TLL1: variants seen among roughly 807,000 people sequenced by gnomAD.
TLL1 encodes the protein tolloid like 1.
Under a neutral mutation model 128.2 loss-of-function variants are expected in TLL1, and 49 were observed. That is an observed-to-expected ratio of 0.38 (90% CI 0.30 to 0.48). TLL1 has a LOEUF of 0.48. TLL1 is among the 20% of genes least tolerant of loss of function. TLL1 has a pLI of 0.96. For missense variants in TLL1, 1,123 were observed against 1,242.0 expected (o/e 0.90, Z 1.44); for synonymous variants, 454 against 418.8 (o/e 1.08, Z -1.03).
chr4:165,994,633 T>C, intron 4 of TLL1, 100 bp downstream of exon 4: 2 of 1,425,290 alleles, frequency 1.4e-6, no homozygotes, highest in Non-Finnish European at 1.9e-6. Context: ...ATACATAGTA[T>C]TAAGTCAAGG....
At chr4:166,062,244 A>G (rs1443620152) in intron 15 of TLL1, among the ~76,000 whole-genome samples, 1 of 152,120 alleles carries the variant, frequency 6.6e-6, no homozygotes, top group Non-Finnish European at 1.5e-5. Context: ...GTTTTTTCCA[A>G]TTCTGTGAAG....
intron 1 of TLL1, among the ~76,000 whole-genome samples, chr4:165,988,715 C>T (rs1215862882): frequency 6.6e-6 from 1 of 151,726 alleles, no homozygotes; most frequent in Admixed American, 6.6e-5. Flanking sequence ...AAAATATGGA[C>T]CGTGTTATAT....
chr4:165,897,021 A>G (rs1360251870), intron 1 of TLL1, among the ~76,000 whole-genome samples: 1 of 151,846 alleles, frequency 6.6e-6, no homozygotes, highest in Non-Finnish European at 1.5e-5. Flanking sequence ...GCTTTTTTTC[A>G]TATGTTTCTT....
chr4:166,021,225 A>G (rs2111062678), intron 8 of TLL1, among the ~76,000 whole-genome samples: 1 of 147,894 alleles, frequency 6.8e-6, no homozygotes, highest in South Asian at 2.1e-4. Context: ...CCAAGATGCA[A>G]AAAAAAAATG....
chr4:165,983,663 CTG>C (rs1351752248), intron 1 of TLL1, among the ~76,000 whole-genome samples: 4 of 151,792 alleles, frequency 2.6e-5, no homozygotes, highest in African/African-American at 9.7e-5. Flanking sequence ...TTGAAGAAGA[CTG>C]TGTTTAACTT....
intron 1 of TLL1, among the ~76,000 whole-genome samples, chr4:165,918,723 C>G (rs1166683332): frequency 6.6e-6 from 1 of 151,990 alleles, no homozygotes; most frequent in African/African-American, 2.4e-5. Flanking sequence ...TTTTCATTTC[C>G]TCTAGTTTGT....
chr4:165,992,791 T>C lies in TLL1; in HGVS notation c.281-13T>C, dbSNP rs1186647593. The C allele has an allele frequency of 6.2e-7, 1 of 1,612,206 alleles. No homozygotes were observed. Among genetic ancestry groups the C allele is most frequent in the Non-Finnish European group, 8.5e-7 (1 of 1,178,550 alleles). On this transcript the variant is annotated splice_polypyrimidine_tract_variant and intron_variant, in intron 2 of 20. Transcript: ENST00000061240. Reference sequence around the variant, plus strand: ...ATATTTTGAGTTTAACTTGTTTCCTTTTATTCTTTAAGGTGGACTTGGAGA... The same window carrying C: ...ATATTTTGAGTTTAACTTGTTTCCTCTTATTCTTTAAGGTGGACTTGGAGA...
At chr4:165,882,499 A>G (rs1731005570) in intron 1 of TLL1, among the ~76,000 whole-genome samples, 1 of 152,176 alleles carries the variant, frequency 6.6e-6, no homozygotes, top group South Asian at 2.1e-4. Flanking sequence ...ATAGTATATA[A>G]CTAAACCTGA....
intron 1 of TLL1, among the ~76,000 whole-genome samples, chr4:165,885,890 C>A (rs1731145437): frequency 1.3e-5 from 2 of 152,076 alleles, no homozygotes; most frequent in South Asian, 2.1e-4. Context: ...ACAGATATAT[C>A]CTTATATTAA....
intron 6 of TLL1, among the ~76,000 whole-genome samples, chr4:166,005,345 A>T (rs72974319): frequency 0.21 from 31,174 of 151,868 alleles, 3,645 homozygotes; most frequent in East Asian, 0.38. Context: ...AGATTTCACT[A>T]ATTAGGGAAA....
In TLL1 at chr4:166,043,386, C is replaced by T. The variant is rs1211208610; in HGVS notation, c.1491C>T (p.Ser497=). Residue 497 remains serine, a synonymous_variant, in exon 12 of 21, where the codon AGC becomes AGT. Coordinates refer to ENST00000061240, the MANE Select transcript of TLL1 (RefSeq NM_012464.5). ...TGTGGAAAATAACAGTGTCTGAGAG[C>T]TACCACGTCGGGCTGACCTTTCAGT... is the stretch of plus-strand genomic sequence containing the variant. The part of the protein sequence containing the change: ...ECVWKITVSE[S]YHVGLTFQSF... 1 of 1,614,098 alleles carries T rather than the reference C, an allele frequency of 6.2e-7. No individual in the cohort carries two copies. The highest frequency in any genetic ancestry group is 1.7e-5 in the Admixed American group (1 of 60,014).
chr4:165,929,133 G>A lies in TLL1; in HGVS notation c.169+55060G>A, dbSNP rs186915307. Among the ~76,000 whole-genome samples the A allele has an allele frequency of 3.2e-4, 48 of 152,228 alleles. 1 individual carries two copies. Among genetic ancestry groups the A allele is most frequent in the Admixed American group, 2.0e-3 (31 of 15,282 alleles). On this transcript the variant is annotated intron_variant, in intron 1 of 20. Coordinates refer to ENST00000061240, the MANE Select transcript of TLL1 (RefSeq NM_012464.5). ...AGGCAGCACTAATTTTTGGCTTCGG[G>A]CAATCAAATGCTGCTCAGCATTGTT...
At position 166,028,329 on chromosome 4, in the gene TLL1, A is replaced by C. The variant is rs1738600811; in HGVS notation, c.1158+2898A>C. Among the ~76,000 whole-genome samples the C allele has an allele frequency of 3.3e-5, 5 of 152,082 alleles. 2 individuals carry two copies. The South Asian group carries it at 1.0e-3, about 32-fold the overall frequency. ...TCAGTAATGTGTTTTTCTTCTTTGC[A>C]AACATTGTTTCTTCAATCATCCTTT... is the stretch of plus-strand genomic sequence containing the variant. On this transcript the variant is annotated intron_variant, in intron 9 of 20. Coordinates refer to ENST00000061240, the MANE Select transcript of TLL1 (RefSeq NM_012464.5).
At chr4:166,056,592 T>C (rs1740017954) in intron 13 of TLL1, among the ~76,000 whole-genome samples, 1 of 152,194 alleles carries the variant, frequency 6.6e-6, no homozygotes, top group African/African-American at 2.4e-5. Flanking sequence ...TTCTTAATAA[T>C]GATATTTCTT....
At chr4:166,044,375 AG>A in intron 12 of TLL1, 1 of 1,535,600 alleles carries the variant, frequency 6.5e-7, no homozygotes, top group Admixed American at 2.0e-5. Flanking sequence ...CAGGAGCACC[AG>A]GAGAATCCAG....
At chr4:165,956,431 C>T (rs1734797918) in intron 1 of TLL1, among the ~76,000 whole-genome samples, 1 of 151,990 alleles carries the variant, frequency 6.6e-6, no homozygotes, top group Non-Finnish European at 1.5e-5. Context: ...GGAATGCATT[C>T]CTTTCCCAAG....
chr4:166,083,164 G>GTTA (rs147836065), intron 18 of TLL1, among the ~76,000 whole-genome samples: 6 of 127,132 alleles, frequency 4.7e-5, no homozygotes, highest in Admixed American at 9.1e-5. Flanking sequence ...TGTATACAGT[G>GTTA]GAACTTTCTT....
chr4:165,943,641 G>A (rs113915052), intron 1 of TLL1, among the ~76,000 whole-genome samples: 1 of 151,632 alleles, frequency 6.6e-6, no homozygotes, highest in Non-Finnish European at 1.5e-5. Flanking sequence ...GTTTCCTATC[G>A]TCTTCCTAAG....
chr4:165,979,579 T>C (rs1030662859), intron 1 of TLL1, among the ~76,000 whole-genome samples: 4 of 152,070 alleles, frequency 2.6e-5, no homozygotes, highest in African/African-American at 7.2e-5. Flanking sequence ...TCATGGTAAT[T>C]AGAAGGGAAA....
Sources: allele counts gnomAD v4.1 joint callset (sites outside exome capture counted in the v4.1 genomes callset), GRCh38; gene constraint gnomAD v4.1.1; transcripts MANE v1.5; gene names NCBI Gene and HGNC (gene_info 2026-07-23, HGNC 2026-07-21).